The following NXN variants were observed in gnomAD, a reference collection of about 807,000 sequenced individuals.
The protein encoded by NXN is nucleoredoxin.
A neutral mutation model predicts 48.6 loss-of-function variants in NXN; 16 were observed. That is an observed-to-expected ratio of 0.33 (90% CI 0.22 to 0.50). The LOEUF (loss-of-function observed/expected upper bound fraction) is 0.50, where lower values mean the gene tolerates loss of function less well. NXN is among the 20% of genes least tolerant of loss of function. The pLI is 0.98. For synonymous variants in NXN, 281 were observed against 269.6 expected, an observed-to-expected ratio of 1.04 and a Z score of -0.41; for missense variants, 492 against 605.5, an observed-to-expected ratio of 0.81 and a Z score of 1.97.
Position 820,358 on chromosome 17 carries a change from T to C in NXN, c.714-813A>G, listed in dbSNP as rs530061107. On this transcript the variant is annotated intron_variant, in intron 4 of 7. Transcript: ENST00000336868. ...CAGGCGTGGTGGCTCACCCCTGTAA[T>C]CCCAGCACTTTGGGAGGCCAAGGCA... 5.3e-4 allele frequency among the ~76,000 whole-genome samples: 80 copies of C among 152,242 alleles called. 1 individual carries two copies. The highest frequency in any genetic ancestry group is 9.6e-4 in the Non-Finnish European group (65 of 68,018).
intron 1 of NXN, among the ~76,000 whole-genome samples, chr17:972,522 CTG>C (rs1400464148): frequency 2.0e-5 from 3 of 152,046 alleles, no homozygotes; most frequent in African/African-American, 7.2e-5. Flanking sequence ...TATGCCAAGC[CTG>C]TGCTCTCCTG....
Position 919,240 on chromosome 17 carries a change from G to C in NXN, c.360+60079C>G, listed in dbSNP as rs2068720902. On this transcript the variant is annotated intron_variant, in intron 1 of 7. Transcript: ENST00000336868. The surrounding 1 kb of genome is among the most constrained non-coding windows in gnomAD (Gnocchi z 5.1). ...CAGCCGGGCGTCATGGCGGGCACCT[G>C]TAGTCCCAGTTCCTTGGGAGGCTGA... Among the ~76,000 whole-genome samples the C allele has an allele frequency of 6.6e-6, 1 of 152,046 alleles. No homozygotes were observed. Among genetic ancestry groups the C allele is most frequent in the African/African-American group, 2.4e-5 (1 of 41,412 alleles).
At chr17:972,412 G>A (rs959827933) in intron 1 of NXN, among the ~76,000 whole-genome samples, 39 of 152,064 alleles carry the variant, frequency 2.6e-4, no homozygotes, top group Admixed American at 1.6e-3. Context: ...AGGAGGCGGA[G>A]GTTGCAGTGA....
chr17:924,516 G>C (rs959653858), intron 1 of NXN, among the ~76,000 whole-genome samples: 1 of 152,226 alleles, frequency 6.6e-6, no homozygotes, highest in Non-Finnish European at 1.5e-5. Context: ...GGATTACAGG[G>C]ATGAGCCACT....
At chr17:809,043 T>A (rs1035565290) in intron 5 of NXN, among the ~76,000 whole-genome samples, 6 of 150,352 alleles carry the variant, frequency 4.0e-5, no homozygotes, top group Non-Finnish European at 4.4e-5. Flanking sequence ...TACGGAAAAC[T>A]GGGAGCTTGC....
chr17:820,259 T>G (rs1912750619), intron 4 of NXN, among the ~76,000 whole-genome samples: 1 of 152,172 alleles, frequency 6.6e-6, no homozygotes, highest in African/African-American at 2.4e-5. Context: ...GTACCTTAAA[T>G]GCATGCATTT....
At chr17:922,796 T>C (rs930878253) in intron 1 of NXN, among the ~76,000 whole-genome samples, 6 of 150,396 alleles carry the variant, frequency 4.0e-5, no homozygotes, top group African/African-American at 1.2e-4. Flanking sequence ...GGACTACAGG[T>C]GCCCGCCACC....
At chr17:918,021 A>G (rs9899618) in intron 1 of NXN, among the ~76,000 whole-genome samples, 7,725 of 152,278 alleles carry the variant, frequency 0.051, 412 homozygotes, top group African/African-American at 0.13. Context: ...CTCACTCCGT[A>G]TTTGCAGCAT....
intron 1 of NXN, among the ~76,000 whole-genome samples, chr17:951,352 A>AC (rs1396130532): frequency 6.8e-6 from 1 of 147,528 alleles, no homozygotes; most frequent in Non-Finnish European, 1.5e-5. Context: ...TCCATCTCGA[A>AC]AAAAAAAAAA....
At chr17:805,666 C>T (rs1418033624) in intron 5 of NXN, among the ~76,000 whole-genome samples, 2 of 148,956 alleles carry the variant, frequency 1.3e-5, no homozygotes, top group African/African-American at 4.9e-5. Flanking sequence ...GTGAAACCCC[C>T]GTCTCTACTA....
At chr17:839,345 G>T (rs753450668) in intron 1 of NXN, among the ~76,000 whole-genome samples, 1 of 152,182 alleles carries the variant, frequency 6.6e-6, no homozygotes, top group Non-Finnish European at 1.5e-5. Flanking sequence ...TGAGACAGGA[G>T]AATCGCTTGA....
chr17:979,115 G>T (rs1286104261), intron 1 of NXN, among the ~76,000 whole-genome samples: 1 of 112,792 alleles, frequency 8.9e-6, no homozygotes, highest in Non-Finnish European at 1.9e-5. Context: ...GGAAGGGGGG[G>T]GGGCAGAGGC....
intron 1 of NXN, among the ~76,000 whole-genome samples, chr17:967,360 C>T (rs948446375): frequency 1.3e-5 from 2 of 152,198 alleles, no homozygotes; most frequent in African/African-American, 2.4e-5. Context: ...GAGGCCAGGG[C>T]GCAGAGACAG....
At chr17:824,666 GT>G (rs561527523) in intron 2 of NXN, among the ~76,000 whole-genome samples, 103 of 152,298 alleles carry the variant, frequency 6.8e-4, no homozygotes, top group Admixed American at 2.0e-3. Context: ...AGGGAGCCAA[GT>G]GAGAATTTAA....
intron 1 of NXN, among the ~76,000 whole-genome samples, chr17:835,192 C>T (rs1373912101): frequency 1.3e-5 from 2 of 151,386 alleles, no homozygotes; most frequent in East Asian, 3.9e-4. Context: ...CCTGTACTCC[C>T]AGCTACTCGG....
intron 1 of NXN, among the ~76,000 whole-genome samples, chr17:942,705 CAT>C (rs1163123411): frequency 0.4 from 44,817 of 111,246 alleles, 5,826 homozygotes; most frequent in Non-Finnish European, 0.43. Flanking sequence ...CATGAACTCA[CAT>C]CACACCTTCC....
At chr17:818,836 G>A (rs1305573047) in intron 5 of NXN, among the ~76,000 whole-genome samples, 1 of 150,240 alleles carries the variant, frequency 6.7e-6, no homozygotes, top group Non-Finnish European at 1.5e-5. Context: ...AGTGAGCGGA[G>A]ATCGCACCAC....
At position 826,733 on chromosome 17, in the gene NXN, G is replaced by A. The variant is rs573929361; in HGVS notation, c.361-655C>T. Among the ~76,000 whole-genome samples, 14 of 152,178 alleles carry A rather than the reference G, an allele frequency of 9.2e-5. No homozygotes were observed. The East Asian group carries it at 2.1e-3, about 23-fold the overall frequency. On this transcript the variant is annotated intron_variant, in intron 1 of 7. Coordinates refer to ENST00000336868, the MANE Select transcript of NXN (RefSeq NM_022463.5). ...CTGCACTTGAAATATCACAGTCGTC[G>A]TTACGTTCAGCCCACAAAGCACCAG...
chr17:817,137 A>T (rs1262567486), intron 5 of NXN, among the ~76,000 whole-genome samples: 1 of 151,656 alleles, frequency 6.6e-6, no homozygotes, highest in African/African-American at 2.4e-5. Flanking sequence ...GACTATTAAT[A>T]CTCCAAGTGT....
Sources: allele counts gnomAD v4.1 joint callset (sites outside exome capture counted in the v4.1 genomes callset), GRCh38; gene constraint gnomAD v4.1.1; non-coding constraint Gnocchi (gnomAD v3.1); transcripts MANE v1.5; gene names NCBI Gene and HGNC (gene_info 2026-07-23, HGNC 2026-07-21).